The following TNR variants were observed in gnomAD, a reference collection of about 807,000 sequenced individuals.
The protein encoded by TNR is tenascin R, also known as tenascin-R.
In TNR, 45 loss-of-function variants were observed where a neutral mutation model predicts 150.4. The ratio of observed to expected loss-of-function variants is 0.30; its 90% CI spans 0.24 to 0.38. The LOEUF is 0.38. Among genes scored for constraint, TNR ranks in the 10% least tolerant of loss-of-function variants. The pLI is 1.00. For synonymous variants in TNR, 687 were observed against 678.4 expected (o/e 1.01, Z -0.20); for missense variants, 1,544 against 1,759.1 (o/e 0.88, Z 2.19).
At position 175,315,388 on chromosome 1, in the gene TNR, T is replaced by G. The variant is rs754443840; in HGVS notation, c.*7969A>C. 1.1e-4 allele frequency: 17 copies of G among 152,230 alleles called. No individual in the cohort carries two copies. The highest frequency in any genetic ancestry group is 2.1e-4 in the Non-Finnish European group (14 of 68,036). The allele number at this position is 152,230 out of a possible 1,614,324, so 9.4% of individuals were successfully genotyped here. On this transcript the variant is annotated 3_prime_UTR_variant, in exon 23 of 23. Transcript: ENST00000367674. Reference sequence around the variant, plus strand: ...CTCCCTTCCTCTGTACATTTTTATTTTTATTTTAGCTAATTAAAGTGTGCA... The same window carrying G: ...CTCCCTTCCTCTGTACATTTTTATTGTTATTTTAGCTAATTAAAGTGTGCA...
intron 2 of TNR, among the ~76,000 whole-genome samples, chr1:175,442,276 G>A (rs183116221): frequency 7.0e-4 from 107 of 152,294 alleles, no homozygotes; most frequent in Non-Finnish European, 1.1e-3. Flanking sequence ...AGCAGGGCAT[G>A]TAAACCAGTC....
At chr1:175,724,610 G>T (rs768806396) in intron 1 of TNR, among the ~76,000 whole-genome samples, 1 of 152,126 alleles carries the variant, frequency 6.6e-6, no homozygotes, top group Admixed American at 6.5e-5. Flanking sequence ...GACCTGAAGG[G>T]TGGTTATGGG....
rs1001050409 is a variant in TNR, at chr1:175,323,398, G to A, written c.4036C>T (p.Arg1346Cys). The A allele has an allele frequency of 1.9e-6, 3 of 1,614,100 alleles. No homozygotes were observed. Among genetic ancestry groups the A allele is most frequent in the Non-Finnish European group, 2.5e-6 (3 of 1,179,982 alleles). ...VEMKMRPYNH[R>C]LMAGRKRQSL... ...TGCCGTTTTCTCCCTGCCATGAGACGGTGGTTGTAGGGGCGCATCTTCATT... is the reference window on the plus strand; with the variant it reads ...TGCCGTTTTCTCCCTGCCATGAGACAGTGGTTGTAGGGGCGCATCTTCATT... Residue 1346 changes from arginine to cysteine, a missense_variant, in exon 23 of 23, where the codon CGT becomes TGT. This residue lies in a region of TNR where 290 missense variants were observed against 429.7 expected (regional missense o/e 0.67). Transcript: ENST00000367674.
chr1:175,643,012 G>A (rs1392409520), intron 1 of TNR, among the ~76,000 whole-genome samples: 3 of 152,188 alleles, frequency 2.0e-5, no homozygotes, highest in South Asian at 2.1e-4. Flanking sequence ...CAACTGGAAA[G>A]AGGGGCAAGT....
At chr1:175,713,335 A>C (rs958033281) in intron 1 of TNR, among the ~76,000 whole-genome samples, 5 of 151,402 alleles carry the variant, frequency 3.3e-5, no homozygotes, top group African/African-American at 7.3e-5. Flanking sequence ...CATAAACAAC[A>C]CTCTTGCCCC....
chr1:175,534,360 A>G (rs1025255206), intron 1 of TNR, among the ~76,000 whole-genome samples: 54 of 152,314 alleles, frequency 3.5e-4, no homozygotes, highest in African/African-American at 1.2e-3. Flanking sequence ...ACAGCTGAAC[A>G]TATGTCAGAC....
chr1:175,407,202 A>G (rs1158420224), intron 2 of TNR, among the ~76,000 whole-genome samples: 1 of 152,138 alleles, frequency 6.6e-6, no homozygotes, highest in Admixed American at 6.5e-5. Context: ...TTTATTGCAA[A>G]GGGACTCTGC....
At chr1:175,399,030 C>G (rs1283359299) in intron 4 of TNR, among the ~76,000 whole-genome samples, 4 of 152,198 alleles carry the variant, frequency 2.6e-5, no homozygotes, top group African/African-American at 9.7e-5. Context: ...ACAATTTAGA[C>G]AGCAGGTTAC....
intron 2 of TNR, among the ~76,000 whole-genome samples, chr1:175,486,215 G>T (rs1030569654): frequency 4.0e-5 from 6 of 151,778 alleles, no homozygotes; most frequent in Middle Eastern, 6.8e-3. Flanking sequence ...ATGGTGGTTT[G>T]CTGCACCCAT....
chr1:175,499,071 G>A (rs757628405), intron 2 of TNR, among the ~76,000 whole-genome samples: 2 of 152,270 alleles, frequency 1.3e-5, no homozygotes, highest in African/African-American at 2.4e-5. Flanking sequence ...ACATGCCTCC[G>A]GCTTTGGCTC....
intron 15 of TNR, 96 bp downstream of exon 15, chr1:175,359,516 A>T: frequency 6.3e-7 from 1 of 1,592,570 alleles, no homozygotes; most frequent in Non-Finnish European, 8.6e-7. Flanking sequence ...TGTCCTTCAG[A>T]TTGAAAAAAT....
intron 2 of TNR, among the ~76,000 whole-genome samples, chr1:175,453,318 C>T (rs1199550882): frequency 2.0e-5 from 3 of 151,944 alleles, no homozygotes; most frequent in Admixed American, 2.0e-4. Flanking sequence ...TGATGCTGAG[C>T]CAGGTGTGAG....
intron 2 of TNR, among the ~76,000 whole-genome samples, chr1:175,418,263 C>G (rs1486872277): frequency 6.6e-6 from 1 of 152,132 alleles, no homozygotes; most frequent in Non-Finnish European, 1.5e-5. Context: ...GCATAAATAG[C>G]AGGACATGAG....
intron 1 of TNR, among the ~76,000 whole-genome samples, chr1:175,688,175 T>C (rs945912876): frequency 6.6e-6 from 1 of 152,188 alleles, no homozygotes; most frequent in East Asian, 1.9e-4. Flanking sequence ...CCCTCAGCTC[T>C]GCTGAGTGCC....
chr1:175,564,200 T>C (rs1393992568), intron 1 of TNR, among the ~76,000 whole-genome samples: 1 of 152,178 alleles, frequency 6.6e-6, no homozygotes, highest in Non-Finnish European at 1.5e-5. Context: ...TTATGGAAAA[T>C]GAATTGTACC....
intron 2 of TNR, among the ~76,000 whole-genome samples, chr1:175,518,270 T>C (rs929448464): frequency 2.6e-5 from 4 of 152,206 alleles, no homozygotes; most frequent in African/African-American, 9.7e-5. Context: ...GCACAACAAA[T>C]GCCTTGTACA....
chr1:175,422,835 C>T (rs747898576), intron 2 of TNR, among the ~76,000 whole-genome samples: 1 of 152,244 alleles, frequency 6.6e-6, no homozygotes, highest in African/African-American at 2.4e-5. Context: ...CTCATAGGTG[C>T]ACCTGCTTCT....
chr1:175,709,306 C>CAT (rs1342351733), intron 1 of TNR, among the ~76,000 whole-genome samples: 1 of 133,004 alleles, frequency 7.5e-6, no homozygotes, highest in East Asian at 2.0e-4. Flanking sequence ...CACACACACA[C>CAT]ATACACACAC....
chr1:175,456,496 G>A (rs140979020), intron 2 of TNR, among the ~76,000 whole-genome samples: 29 of 152,336 alleles, frequency 1.9e-4, no homozygotes, highest in South Asian at 1.7e-3. Context: ...CTACAACAAT[G>A]CTTGACACTT....
Sources: gnomAD v4.1 joint callset for allele counts (sites outside exome capture counted in the v4.1 genomes callset) on GRCh38, gnomAD v4.1.1 for gene constraint, gnomAD v4.1.1 regional missense constraint, MANE v1.5 for transcripts, NCBI Gene and HGNC (gene_info 2026-07-23, HGNC 2026-07-21) for gene names.